The following FOXP1 variants were observed in gnomAD, a reference collection of about 807,000 sequenced individuals.
FOXP1 encodes forkhead box protein P1.
Under a neutral mutation model 98.2 loss-of-function variants are expected in FOXP1, and 15 were observed. The ratio of observed to expected loss-of-function variants is 0.15; its 90% confidence interval spans 0.10 to 0.24. FOXP1 has a LOEUF of 0.24. Ranked by LOEUF, FOXP1 falls within the 10% of genes least tolerant of loss-of-function variation. FOXP1 has a pLI of 1.00. For missense variants in FOXP1, 633 were observed against 848.5 expected (o/e 0.75, Z 3.15); for synonymous variants, 371 against 314.5 (o/e 1.18, Z -1.90).
intron 11 of FOXP1, among the ~76,000 whole-genome samples, chr3:71,038,073 C>A (rs1051117971): frequency 6.6e-6 from 1 of 152,222 alleles, no homozygotes; most frequent in African/African-American, 2.4e-5. Flanking sequence ...AACCCCAGAG[C>A]TGCTGCTACT....
intron 3 of FOXP1, among the ~76,000 whole-genome samples, chr3:71,414,504 T>C (rs1034944182): frequency 2.6e-5 from 4 of 152,218 alleles, no homozygotes; most frequent in African/African-American, 7.2e-5. Flanking sequence ...ACCAATATAC[T>C]TGTCTGCCAA....
At chr3:71,459,438 T>G (rs1365746354) in intron 3 of FOXP1, among the ~76,000 whole-genome samples, 4 of 152,210 alleles carry the variant, frequency 2.6e-5, no homozygotes, top group Non-Finnish European at 5.9e-5. Flanking sequence ...ATTTAAATAC[T>G]GAAAAAGGTG....
chr3:70,967,696 TTTTGTTTTTTTTTG>T (rs2035191487), intron 19 of FOXP1, among the ~76,000 whole-genome samples: 1 of 104,976 alleles, frequency 9.5e-6, no homozygotes, highest in African/African-American at 4.9e-5. Flanking sequence ...TGTTTTTTTT[TTTTGTTTTTTTTTG>T]TTTTTTTTTT....
chr3:71,150,954 A>T (rs2060542289), intron 6 of FOXP1, among the ~76,000 whole-genome samples: 1 of 152,164 alleles, frequency 6.6e-6, no homozygotes, highest in Non-Finnish European at 1.5e-5. Flanking sequence ...TATTTGGAAT[A>T]CTGGAAAGAC....
intron 2 of FOXP1, among the ~76,000 whole-genome samples, chr3:71,497,699 A>C (rs1466792408): frequency 6.6e-6 from 1 of 152,170 alleles, no homozygotes; most frequent in African/African-American, 2.4e-5. Context: ...CTCTCTGACT[A>C]CTTTAGGGGA....
At chr3:71,517,956 G>A (rs1178316241) in intron 2 of FOXP1, among the ~76,000 whole-genome samples, 2 of 152,110 alleles carry the variant, frequency 1.3e-5, no homozygotes, top group African/African-American at 4.8e-5. Context: ...CAGGTGCACT[G>A]GATGCTATCT....
At chr3:71,384,279 A>G (rs2080403481) in intron 3 of FOXP1, among the ~76,000 whole-genome samples, 1 of 152,144 alleles carries the variant, frequency 6.6e-6, no homozygotes, top group Non-Finnish European at 1.5e-5. Flanking sequence ...CATCCTTCCA[A>G]ATTTCTCTGA....
intron 3 of FOXP1, among the ~76,000 whole-genome samples, chr3:71,397,708 C>T (rs554256709): frequency 4.6e-5 from 7 of 152,334 alleles, no homozygotes; most frequent in Middle Eastern, 3.4e-3. Context: ...GAAAACCCCA[C>T]CAAAGCTCTC....
At chr3:71,303,967 T>A (rs1311999972) in intron 4 of FOXP1, among the ~76,000 whole-genome samples, 1 of 152,170 alleles carries the variant, frequency 6.6e-6, no homozygotes, top group Non-Finnish European at 1.5e-5. Flanking sequence ...TCACAAACAC[T>A]ACACTTCTTT....
At chr3:71,325,719 G>A (rs964759414) in intron 4 of FOXP1, among the ~76,000 whole-genome samples, 1 of 151,844 alleles carries the variant, frequency 6.6e-6, no homozygotes, top group Non-Finnish European at 1.5e-5. Flanking sequence ...TGTTGTCCAG[G>A]CTGAAGTGCA....
intron 2 of FOXP1, among the ~76,000 whole-genome samples, chr3:71,507,537 A>C (rs2041912152): frequency 6.6e-6 from 1 of 152,148 alleles, no homozygotes. Context: ...GCCCCAAATC[A>C]TACCTGCTTA....
intron 6 of FOXP1, among the ~76,000 whole-genome samples, chr3:71,192,530 T>C (rs1448011614): frequency 6.6e-6 from 1 of 152,240 alleles, no homozygotes; most frequent in Non-Finnish European, 1.5e-5. Context: ...CTGGAAATGT[T>C]TGTGAGACAG....
intron 3 of FOXP1, among the ~76,000 whole-genome samples, chr3:71,453,600 C>G (rs1234022070): frequency 6.6e-6 from 1 of 152,104 alleles, no homozygotes; most frequent in Non-Finnish European, 1.5e-5. Context: ...CAAATAAAAC[C>G]AAGCCCCTCC....
chr3:71,031,062 A>G (rs2046804454), intron 11 of FOXP1, among the ~76,000 whole-genome samples: 2 of 152,330 alleles, frequency 1.3e-5, no homozygotes, highest in South Asian at 4.1e-4. Context: ...AATTCCACTG[A>G]TTACTAAAAT....
intron 7 of FOXP1, among the ~76,000 whole-genome samples, chr3:71,102,054 TCCCTGTA>T (rs2057012612): frequency 1.3e-5 from 2 of 152,166 alleles, no homozygotes; most frequent in Non-Finnish European, 2.9e-5. Flanking sequence ...TAGTATTCAG[TCCCTGTA>T]ATTTACCGGG....
At chr3:71,555,567 C>G (rs2046066407) in intron 2 of FOXP1, among the ~76,000 whole-genome samples, 1 of 152,220 alleles carries the variant, frequency 6.6e-6, no homozygotes, top group Non-Finnish European at 1.5e-5. Flanking sequence ...ATAATTATCT[C>G]ATTTACTGCC....
intron 3 of FOXP1, among the ~76,000 whole-genome samples, chr3:71,475,301 A>T (rs2089729822): frequency 6.6e-6 from 1 of 152,200 alleles, no homozygotes; most frequent in African/African-American, 2.4e-5. Context: ...TAAAATGCTC[A>T]GTGGAAGAAG....
chr3:71,361,670 C>A (rs2078580654), intron 3 of FOXP1, among the ~76,000 whole-genome samples: 1 of 152,186 alleles, frequency 6.6e-6, no homozygotes, highest in South Asian at 2.1e-4. Flanking sequence ...AATGACCATT[C>A]TCCAAGACAG....
At chr3:71,124,501 ACTT>A (rs2059014932) in intron 6 of FOXP1, among the ~76,000 whole-genome samples, 1 of 152,076 alleles carries the variant, frequency 6.6e-6, no homozygotes, top group African/African-American at 2.4e-5. Flanking sequence ...AATATTTGTT[ACTT>A]ATTATGCAAA....
Sources: allele counts gnomAD v4.1 joint callset (sites outside exome capture counted in the v4.1 genomes callset), GRCh38; gene constraint gnomAD v4.1.1; transcripts MANE v1.5; gene names NCBI Gene and HGNC (gene_info 2026-07-23, HGNC 2026-07-21).